Variants in NR3C1 observed in about 807,000 individuals in gnomAD.
NR3C1 encodes the protein glucocorticoid receptor.
A neutral mutation model predicts 74.0 loss-of-function variants in NR3C1; 14 were observed. The observed-to-expected ratio is 0.19, with a 90% CI of 0.12 to 0.30. NR3C1 has a LOEUF of 0.30. Ranked by LOEUF, NR3C1 falls within the 10% of genes least tolerant of loss-of-function variation. The pLI is 1.00. For missense variants in NR3C1, 695 were observed against 909.8 expected (o/e 0.76, Z 3.04); for synonymous variants, 308 against 332.5 (o/e 0.93, Z 0.80).
intron 2 of NR3C1, among the ~76,000 whole-genome samples, chr5:143,339,811 T>C (rs1464099759): frequency 6.6e-6 from 1 of 152,164 alleles, no homozygotes; most frequent in Non-Finnish European, 1.5e-5. Context: ...AGCCATTACA[T>C]ACCAAATTAT....
chr5:143,344,881 C>A (rs1298571073), intron 2 of NR3C1, among the ~76,000 whole-genome samples: 6 of 151,930 alleles, frequency 3.9e-5, no homozygotes, highest in Non-Finnish European at 8.8e-5. Flanking sequence ...CCATGCCCCA[C>A]CCTCACCCCC....
intron 1 of NR3C1, among the ~76,000 whole-genome samples, chr5:143,428,217 T>C (rs1194054772): frequency 6.6e-6 from 1 of 152,272 alleles, no homozygotes; most frequent in Non-Finnish European, 1.5e-5. Context: ...GTGAAGCCCC[T>C]TGGGGTCTGC....
chr5:143,384,014 C>T lies in NR3C1; in HGVS notation c.1184+15642G>A, dbSNP rs537042269. Reference sequence around the variant, plus strand: ...GAAGAACAGAGACTTAATTGACTTACAGTTCCACAGGCTTCAAAGGAAGCA... The same window carrying T: ...GAAGAACAGAGACTTAATTGACTTATAGTTCCACAGGCTTCAAAGGAAGCA... On this transcript the variant is annotated intron_variant, in intron 2 of 8. Coordinates refer to ENST00000394464, the MANE Select transcript of NR3C1 (RefSeq NM_000176.3). Among the ~76,000 whole-genome samples, 8 of 152,298 alleles carry T rather than the reference C, an allele frequency of 5.3e-5. No individual in the cohort carries two copies. In the South Asian group the frequency reaches 1.2e-3, roughly 24 times the overall value.
rs10051482 is a variant in NR3C1 at position 143,336,121 on chromosome 5, G to T, written c.1185-21953C>A. On this transcript the variant is annotated intron_variant, in intron 2 of 8. Transcript: ENST00000394464. The stretch of plus-strand genomic sequence containing the variant: ...AAACACTTAGTCCATTGAGGACATA[G>T]CTATAAAGCTCTCATTTTGAATCAA... Among the ~76,000 whole-genome samples the T allele has an allele frequency of 4.5e-3, 679 of 152,290 alleles. 2 individuals are homozygous for T. Among genetic ancestry groups the T allele is most frequent in the African/African-American group, 0.016 (646 of 41,554 alleles).
rs561195481 is a variant in NR3C1, at chr5:143,428,508, C to T, written c.-14+6024G>A. On this transcript the variant is annotated intron_variant, in intron 1 of 8. Coordinates refer to the NR3C1 transcript ENST00000343796. The stretch of plus-strand genomic sequence containing the variant: ...CTGACTCCTTCTGCCTTTCCAACCA[C>T]GTTCTACAATTCTCTCTTGCCTTAC... 2.6e-3 allele frequency among the ~76,000 whole-genome samples: 393 copies of T among 152,346 alleles called. 4 individuals carry two copies. The highest frequency in any genetic ancestry group is 8.9e-3 in the African/African-American group (370 of 41,580).
At chr5:143,302,068 C>G (rs937466883) in intron 4 of NR3C1, among the ~76,000 whole-genome samples, 7 of 152,092 alleles carry the variant, frequency 4.6e-5, no homozygotes, top group African/African-American at 1.7e-4. Flanking sequence ...AACCTGAAAT[C>G]AGCATATTTG....
chr5:143,307,069 T>G (rs1305846156), intron 4 of NR3C1, among the ~76,000 whole-genome samples: 1 of 151,980 alleles, frequency 6.6e-6, no homozygotes, highest in African/African-American at 2.4e-5. Context: ...GCTAATTTTT[T>G]GTATTTTTAG....
intron 1 of NR3C1, among the ~76,000 whole-genome samples, chr5:143,428,531 T>C (rs961751795): frequency 6.6e-6 from 1 of 152,190 alleles, no homozygotes; most frequent in African/African-American, 2.4e-5. Flanking sequence ...TCTCTTGCCT[T>C]ACCATGCTCT....
intron 2 of NR3C1, among the ~76,000 whole-genome samples, chr5:143,366,736 C>T (rs1561683570): frequency 6.6e-6 from 1 of 152,010 alleles, no homozygotes; most frequent in Non-Finnish European, 1.5e-5. Context: ...ATTCCTCAAC[C>T]AACTGTCAAA....
chr5:143,397,789 G>T (rs1839499684), intron 2 of NR3C1, among the ~76,000 whole-genome samples: 1 of 151,894 alleles, frequency 6.6e-6, no homozygotes, highest in Non-Finnish European at 1.5e-5. Flanking sequence ...TTTATGTCAT[G>T]AAGTACTATA....
chr5:143,432,393 G>A (rs915374646), intron 1 of NR3C1, among the ~76,000 whole-genome samples: 11 of 152,168 alleles, frequency 7.2e-5, no homozygotes, highest in Non-Finnish European at 1.2e-4. Context: ...TGGTGGCAAC[G>A]GGGATGGGGA....
intron 1 of NR3C1, among the ~76,000 whole-genome samples, chr5:143,402,409 A>G (rs1247481841): frequency 1.3e-5 from 2 of 152,152 alleles, no homozygotes; most frequent in African/African-American, 4.8e-5. Flanking sequence ...CAAGTCTGCA[A>G]CCCCAAACGT....
Position 143,332,075 on chromosome 5 carries a change from A to G in NR3C1, c.1185-17907T>C, listed in dbSNP as rs535945737. Among the ~76,000 whole-genome samples, 6 of 152,346 alleles carry G rather than the reference A, an allele frequency of 3.9e-5. No individual in the cohort carries two copies. The South Asian group carries it at 1.2e-3, about 32-fold the overall frequency. Reference sequence around the variant, plus strand: ...CATCTAACCACCTGCCAAAACATGAATCACAAAATTGATATTTTAAGGACA... The same window carrying G: ...CATCTAACCACCTGCCAAAACATGAGTCACAAAATTGATATTTTAAGGACA... On this transcript the variant is annotated intron_variant, in intron 2 of 8. Coordinates refer to ENST00000394464, the MANE Select transcript of NR3C1 (RefSeq NM_000176.3).
chr5:143,407,562 C>A (rs1414826412), upstream of NR3C1: 1 of 152,194 alleles, frequency 6.6e-6, no homozygotes, highest in Non-Finnish European at 1.5e-5. Flanking sequence ...TGTTTGTTCA[C>A]CCCTGTATCA....
chr5:143,383,308 T>A (rs991353606), intron 2 of NR3C1, among the ~76,000 whole-genome samples: 9 of 152,230 alleles, frequency 5.9e-5, no homozygotes, highest in African/African-American at 1.7e-4. Context: ...AAGTAAAATA[T>A]ATGTATTAAA....
Position 143,429,482 on chromosome 5 carries a change from G to T in NR3C1, c.-14+5050C>A, listed in dbSNP as rs376682858. 1.4e-4 allele frequency among the ~76,000 whole-genome samples: 21 copies of T among 152,252 alleles called. No homozygotes were observed. The South Asian group carries it at 4.1e-3, about 30-fold the overall frequency. On this transcript the variant is annotated intron_variant, in intron 1 of 8. Coordinates refer to the NR3C1 transcript ENST00000343796. ...GCAAGGTTATGTAGCCATTTTTCAG[G>T]CAAAAGAATATTAGGAACTTGGTCT...
At chr5:143,384,069 C>A (rs1836739136) in intron 2 of NR3C1, among the ~76,000 whole-genome samples, 1 of 152,180 alleles carries the variant, frequency 6.6e-6, no homozygotes. Context: ...AACTTAGAAT[C>A]CTGGTGGAAG....
intron 1 of NR3C1, among the ~76,000 whole-genome samples, chr5:143,402,981 C>T (rs1471937307): frequency 6.6e-6 from 1 of 152,012 alleles, no homozygotes; most frequent in African/African-American, 2.4e-5. Context: ...CAGGTTCCTC[C>T]CCCTCGGCCC....
chr5:143,408,037 A>G (rs1305880858), upstream of NR3C1, among the ~76,000 whole-genome samples: 1 of 152,232 alleles, frequency 6.6e-6, no homozygotes, highest in African/African-American at 2.4e-5. Context: ...TGCAAACTTT[A>G]AACTTTTGAA....
Sources: gnomAD v4.1 joint callset for allele counts (sites outside exome capture counted in the v4.1 genomes callset) on GRCh38, gnomAD v4.1.1 for gene constraint, MANE v1.5 for transcripts, NCBI Gene and HGNC (gene_info 2026-07-23, HGNC 2026-07-21) for gene names.